LPL: variants seen among roughly 807,000 people sequenced by gnomAD.
The protein encoded by LPL is phospholipase A1.
LPL carries 43 observed loss-of-function variants against 52.2 expected under a neutral mutation model. The ratio of observed to expected loss-of-function variants is 0.82; its 90% confidence interval spans 0.64 to 1.06. The LOEUF (loss-of-function observed/expected upper bound fraction) is 1.06, where lower values mean the gene tolerates loss of function less well. Ranked by LOEUF, LPL falls within the 50% of genes least tolerant of loss-of-function variation. The pLI is 0.00. For synonymous variants in LPL, 244 were observed against 215.6 expected, an observed-to-expected ratio of 1.13 and a Z score of -1.15; for missense variants, 639 against 585.3, an observed-to-expected ratio of 1.09 and a Z score of -0.95.
chr8:19,955,940 G>A lies in LPL; in HGVS notation c.875G>A (p.Ser292Asn). 1.9e-6 allele frequency: 3 copies of A among 1,614,192 alleles called. No homozygotes were observed. Among genetic ancestry groups the A allele is most frequent in the South Asian group, 1.1e-5 (1 of 91,088 alleles). ...EENPSKAYRC[S>N]SKEAFEKGLC... ...AATCCAAGTAAGGCCTACAGGTGCAGTTCCAAGGAAGCCTTTGAGAAAGGG... is the reference window on the plus strand; with the variant it reads ...AATCCAAGTAAGGCCTACAGGTGCAATTCCAAGGAAGCCTTTGAGAAAGGG... Residue 292 changes from serine (S) to asparagine (N), a missense_variant, in exon 6 of 10, where the codon AGT (serine) becomes AAT (asparagine). Ser to Asn is a conservative substitution (Grantham distance 46). Coordinates refer to ENST00000650287, the MANE Select transcript of LPL (RefSeq NM_000237.3).
Position 19,951,893 on chromosome 8 carries a change from C to A in LPL, c.374C>A (p.Ala125Glu), listed in dbSNP as rs754692513. 6.2e-7 allele frequency: 1 copy of A among 1,614,086 alleles called. No individual in the cohort carries two copies. Among genetic ancestry groups the A allele is most frequent in the African/African-American group, 1.3e-5 (1 of 75,012 alleles). ...GCTCAGGAGCATTACCCAGTGTCCG[C>A]GGGCTACACCAAACTGGTGGGACAG... ...SRAQEHYPVS[A>E]GYTKLVGQDV... The change falls in exon 3 of 10, where the codon GCG becomes GAG. Residue 125 changes from alanine to glutamate, a missense_variant. Coordinates refer to ENST00000650287, the MANE Select transcript of LPL (RefSeq NM_000237.3).
chr8:19,956,361 C>G (rs551818149), intron 6 of LPL, among the ~76,000 whole-genome samples: 2 of 152,342 alleles, frequency 1.3e-5, no homozygotes, highest in African/African-American at 2.4e-5. Flanking sequence ...GCTAGGCTAT[C>G]AGCACAGAGC....
At chr8:19,965,243 G>C (rs959594917) in intron 9 of LPL, 67 bp from the exon 10 acceptor site, 1 of 773,416 alleles carries the variant, frequency 1.3e-6, no homozygotes, top group African/African-American at 1.7e-5. Context: ...AACCAGTGGG[G>C]GACAGGCGGG....
At position 19,948,304 on chromosome 8, in the gene LPL, C is replaced by T. The variant is rs11542065; in HGVS notation, c.213C>T (p.His71=). The change falls in exon 2 of 10, where the codon CAC becomes CAT. Residue 71 remains histidine (H), a synonymous_variant. Transcript: ENST00000650287. Reference sequence around the variant, plus strand: ...CCGTGGCTACCTGTCATTTCAATCACAGCAGCAAAACCTTCATGGTGATCC... The same window carrying T: ...CCGTGGCTACCTGTCATTTCAATCATAGCAGCAAAACCTTCATGGTGATCC... ...AESVATCHFN[H]SSKTFMVIHG... 1.3e-4 allele frequency: 211 copies of T among 1,614,130 alleles called. No individual in the cohort carries two copies. The highest frequency in any genetic ancestry group is 5.2e-4 in the Admixed American group (31 of 60,022).
At chr8:19,940,525 C>T (rs1379158710) in intron 1 of LPL, among the ~76,000 whole-genome samples, 1 of 152,234 alleles carries the variant, frequency 6.6e-6, no homozygotes, top group East Asian at 1.9e-4. Context: ...CAGACCTGTC[C>T]GCAATGGAGG....
rs556879032 is a variant in LPL, at chr8:19,944,604, G to A, written c.89-3576G>A. 6.6e-6 allele frequency among the ~76,000 whole-genome samples: 1 copy of A among 152,152 alleles called. No homozygotes were observed. Among genetic ancestry groups the A allele is most frequent in the Non-Finnish European group, 1.5e-5 (1 of 68,028 alleles). Reference sequence around the variant, plus strand: ...ATCTGCCTTTAAAGCACCATCTGCTGCTTTCCTGGGATGCTCAACACTTCC... The same window carrying A: ...ATCTGCCTTTAAAGCACCATCTGCTACTTTCCTGGGATGCTCAACACTTCC... On this transcript the variant is annotated intron_variant, in intron 1 of 9. Coordinates refer to ENST00000650287, the MANE Select transcript of LPL (RefSeq NM_000237.3). The surrounding 1 kb of genome is among the most constrained non-coding windows in gnomAD (Gnocchi z 4.2).
At chr8:19,943,516 T>C (rs1261653291) in intron 1 of LPL, among the ~76,000 whole-genome samples, 1 of 152,362 alleles carries the variant, frequency 6.6e-6, no homozygotes, top group East Asian at 1.9e-4. Context: ...TCATGGACTT[T>C]CATTGTGTTA....
intron 1 of LPL, among the ~76,000 whole-genome samples, chr8:19,941,322 A>G (rs1377881294): frequency 1.3e-5 from 2 of 152,240 alleles, no homozygotes; most frequent in African/African-American, 4.8e-5. Flanking sequence ...AAAGCACACC[A>G]TAGAATAACG....
rs768715144 is a variant in LPL, at chr8:19,948,310, C to G, written c.219C>G (p.Ser73Arg). 3 of 1,614,106 alleles carry G rather than the reference C, an allele frequency of 1.9e-6. No homozygotes were observed. The highest frequency in any genetic ancestry group is 2.5e-6 in the Non-Finnish European group (3 of 1,179,998). The stretch of plus-strand genomic sequence containing the variant: ...CTACCTGTCATTTCAATCACAGCAG[C>G]AAAACCTTCATGGTGATCCATGGCT... ...SVATCHFNHS[S>R]KTFMVIHGWT... Residue 73 changes from serine (S) to arginine (R), a missense_variant, in exon 2 of 10, where the codon AGC (serine) becomes AGG (arginine). Coordinates refer to ENST00000650287, the MANE Select transcript of LPL (RefSeq NM_000237.3).
At chr8:19,946,513 T>G in intron 1 of LPL, 1 of 249,590 alleles carries the variant, frequency 4.0e-6, no homozygotes, top group South Asian at 3.7e-5. Context: ...ATGACACTCT[T>G]ATTTTTATTA....
At position 19,966,668 on chromosome 8, in the gene LPL, G is replaced by T. The variant is rs547867422; in HGVS notation, c.*1358G>T. ...GTGTGTTGTCCTTCAGCATAATTCGGAAGGGAAAACAGTCGATCAAGGGAT... is the reference window on the plus strand; with the variant it reads ...GTGTGTTGTCCTTCAGCATAATTCGTAAGGGAAAACAGTCGATCAAGGGAT... On this transcript the variant is annotated 3_prime_UTR_variant, in exon 10 of 10. Transcript: ENST00000650287. 1 of 152,306 alleles carries T rather than the reference G, an allele frequency of 6.6e-6. No individual in the cohort carries two copies. Among genetic ancestry groups the T allele is most frequent in the Non-Finnish European group, 1.5e-5 (1 of 68,036 alleles). 9.4% of individuals were successfully genotyped at this position (152,306 alleles called of 1,614,324 possible). A position where few individuals can be genotyped will look rare whatever the true frequency, so the allele number is the denominator to read the frequency against.
rs757142660 is a variant in LPL, at chr8:19,959,350, T to C, written c.1109T>C (p.Val370Ala). The stretch of plus-strand genomic sequence containing the variant: ...TTTGAGATTTCTCTGTATGGCACCG[T>C]GGCCGAGAGTGAGAACATCCCATTC... ...QAFEISLYGT[V>A]AESENIPFTL... is the part of the protein sequence containing the mutation. The change falls in exon 7 of 10, where the codon GTG becomes GCG. Residue 370 changes from valine (V) to alanine (A), a missense_variant. By Grantham distance (64) the Val-to-Ala change is moderately conservative. Coordinates refer to ENST00000650287, the MANE Select transcript of LPL (RefSeq NM_000237.3). 7 of 1,614,032 alleles carry C rather than the reference T, an allele frequency of 4.3e-6. No individual in the cohort carries two copies. The highest frequency in any genetic ancestry group is 5.9e-6 in the Non-Finnish European group (7 of 1,180,026).
chr8:19,963,413 GCA>G (rs1489919621), intron 9 of LPL, among the ~76,000 whole-genome samples: 5 of 143,918 alleles, frequency 3.5e-5, no homozygotes, highest in Non-Finnish European at 7.5e-5. Flanking sequence ...TCCAGCCTGG[GCA>G]ACAGAGAAAG....
At chr8:19,948,919 G>C (rs1431391525) in intron 2 of LPL, among the ~76,000 whole-genome samples, 1 of 151,176 alleles carries the variant, frequency 6.6e-6, no homozygotes, top group Non-Finnish European at 1.5e-5. Flanking sequence ...AAACTTTAGG[G>C]AGCCTTTCTG....
intron 5 of LPL, 59 bp downstream of exon 5, chr8:19,954,412 A>C: frequency 2.7e-6 from 4 of 1,496,014 alleles, no homozygotes; most frequent in Non-Finnish European, 3.7e-6. Context: ...TTATTGACCC[A>C]ATGTCCTACT....
Position 19,944,308 on chromosome 8 carries a change from TTTTC to T in LPL, c.89-3869_89-3866del, listed in dbSNP as rs2069865421. Among the ~76,000 whole-genome samples, 1 of 152,180 alleles carries T rather than the reference TTTTC, an allele frequency of 6.6e-6. No individual in the cohort carries two copies. Among genetic ancestry groups the T allele is most frequent in the South Asian group, 2.1e-4 (1 of 4,828 alleles). On this transcript the variant is annotated intron_variant, in intron 1 of 9. Coordinates refer to ENST00000650287, the MANE Select transcript of LPL (RefSeq NM_000237.3). The surrounding 1 kb of genome is among the most constrained non-coding windows in gnomAD (Gnocchi z 4.2). The stretch of plus-strand genomic sequence containing the variant: ...TTCAGTCTGATCATGATATTGATGT[TTTTC>T]TTCACCAAATCGACCACATCAGTAA...
chr8:19,940,139 C>G (rs950845686), intron 1 of LPL, among the ~76,000 whole-genome samples: 3 of 152,194 alleles, frequency 2.0e-5, no homozygotes, highest in African/African-American at 7.2e-5. Context: ...GGAGAAAGTA[C>G]GCGTGGCGCG....
intron 5 of LPL, among the ~76,000 whole-genome samples, chr8:19,954,879 A>T (rs1405713654): frequency 6.6e-6 from 1 of 152,118 alleles, no homozygotes; most frequent in African/African-American, 2.4e-5. Flanking sequence ...GCTGGGGTGC[A>T]GTCACACAAT....
chr8:19,940,727 T>C (rs1478993328), intron 1 of LPL, among the ~76,000 whole-genome samples: 1 of 152,238 alleles, frequency 6.6e-6, no homozygotes, highest in Non-Finnish European at 1.5e-5. Flanking sequence ...AGTCTCTCCA[T>C]AGCTTTGATG....
Sources: allele counts gnomAD v4.1 joint callset (sites outside exome capture counted in the v4.1 genomes callset), GRCh38; gene constraint gnomAD v4.1.1; non-coding constraint Gnocchi (gnomAD v3.1); transcripts MANE v1.5; gene names NCBI Gene and HGNC (gene_info 2026-07-23, HGNC 2026-07-21).